Variants in DOCK8 observed in about 807,000 individuals in gnomAD.
DOCK8 encodes the protein dedicator of cytokinesis 8.
DOCK8 carries 141 observed loss-of-function variants against 245.6 expected under a neutral mutation model. That is an observed-to-expected ratio of 0.57 (90% CI 0.50 to 0.66). DOCK8 has a LOEUF of 0.66. Ranked by LOEUF, DOCK8 falls within the 30% of genes least tolerant of loss-of-function variation. The pLI is 0.00. For synonymous variants in DOCK8, 1,168 were observed against 970.2 expected (o/e 1.20, Z -3.79); for missense variants, 2,965 against 2,603.4 (o/e 1.14, Z -3.02).
intron 14 of DOCK8, among the ~76,000 whole-genome samples, chr9:345,680 CCTT>C (rs2051846893): frequency 6.6e-6 from 1 of 152,182 alleles, no homozygotes; most frequent in Admixed American, 6.5e-5. Flanking sequence ...CCCAGCCTCA[CCTT>C]CCTCCCACCT....
Position 398,761 on chromosome 9 carries a change from G to A in DOCK8, c.3121-385G>A, listed in dbSNP as rs1287170890. Among the ~76,000 whole-genome samples, 8 of 149,330 alleles carry A rather than the reference G, an allele frequency of 5.4e-5. 1 individual carries two copies. The Admixed American group carries it at 5.4e-4, about 10-fold the overall frequency. ...TTAAAAATTAAGAAACTGTCTCATT[G>A]AAAACAGTAAGTATTTTTCAAGTCA... On this transcript the variant is annotated intron_variant, in intron 25 of 47. Transcript: ENST00000432829.
At chr9:238,855 G>C (rs980458082) in intron 1 of DOCK8, among the ~76,000 whole-genome samples, 1 of 152,172 alleles carries the variant, frequency 6.6e-6, no homozygotes, top group Non-Finnish European at 1.5e-5. Flanking sequence ...TCCAGTTCGG[G>C]GTCGTGGATG....
chr9:400,868 A>ACCACCACC (rs1161002361), intron 26 of DOCK8, among the ~76,000 whole-genome samples: 2 of 98,362 alleles, frequency 2.0e-5, no homozygotes, highest in African/African-American at 5.2e-5. Context: ...CTCCTCCACC[A>ACCACCACC]TCACCACCAC....
At position 396,811 on chromosome 9, in the gene DOCK8, TAAC is replaced by T. The variant is rs2054480762; in HGVS notation, c.2999_3001del (p.Asn1000del). The T allele has an allele frequency of 6.2e-7, 1 of 1,614,006 alleles. No individual in the cohort carries two copies. Among genetic ancestry groups the T allele is most frequent in the Non-Finnish European group, 8.5e-7 (1 of 1,180,012 alleles). ...TGAAAAGCATGGCCCAGCACGTACA[TAAC>T]ATGGACAAACGGGACAGTTTTCGGA... On this transcript the variant is annotated inframe_deletion, in exon 25 of 48. Transcript: ENST00000432829.
chr9:395,830 T>G (rs781473042), intron 24 of DOCK8, among the ~76,000 whole-genome samples: 2 of 152,312 alleles, frequency 1.3e-5, no homozygotes, highest in South Asian at 4.2e-4. Context: ...CTAGTCATAA[T>G]GCAGACAGTC....
chr9:403,724 G>A lies in DOCK8; in HGVS notation c.3235-1194G>A, dbSNP rs114423533. The stretch of plus-strand genomic sequence containing the variant: ...ACTAAAAATACAAAAAATTAGCTGG[G>A]CATGTTGATGTGCACCTGTAATCCC... On this transcript the variant is annotated intron_variant, in intron 26 of 47. Coordinates refer to ENST00000432829, the MANE Select transcript of DOCK8 (RefSeq NM_203447.4). Among the ~76,000 whole-genome samples the A allele has an allele frequency of 5.4e-3, 819 of 151,398 alleles. 10 individuals carry two copies. Among genetic ancestry groups the A allele is most frequent in the African/African-American group, 0.019 (792 of 41,248 alleles).
intron 14 of DOCK8, among the ~76,000 whole-genome samples, chr9:341,682 C>G (rs533795837): frequency 6.6e-6 from 1 of 152,190 alleles, no homozygotes; most frequent in African/African-American, 2.4e-5. Flanking sequence ...TTAAAATGTA[C>G]GCAAATGACT....
At chr9:463,786 G>A (rs942486814) in intron 47 of DOCK8, 99 bp downstream of exon 47, 20 of 1,438,648 alleles carry the variant, frequency 1.4e-5, no homozygotes, top group Non-Finnish European at 1.6e-5. Context: ...GGGAGCTGCA[G>A]AACCTCGAAA....
chr9:376,224 G>C lies in DOCK8; in HGVS notation c.2124G>C (p.Gln708His). The C allele has an allele frequency of 6.2e-7, 1 of 1,610,634 alleles. No individual in the cohort carries two copies. The highest frequency in any genetic ancestry group is 8.5e-7 in the Non-Finnish European group (1 of 1,177,152). The change falls in exon 19 of 48, where the codon CAG becomes CAC. Residue 708 changes from glutamine (Q) to histidine (H), a missense_variant. Gln to His is a conservative substitution (Grantham distance 24, BLOSUM62 0). This residue lies in a region of DOCK8 where 2,825 missense variants were observed against 2,453.5 expected (regional missense o/e 1.15). Coordinates refer to ENST00000432829, the MANE Select transcript of DOCK8 (RefSeq NM_203447.4). Reference sequence around the variant, plus strand: ...CTTTAACACAGAAAGTCCCATTACAGAATCCTCCCATTAAGTGGGCTGAAG... The same window carrying C: ...CTTTAACACAGAAAGTCCCATTACACAATCCTCCCATTAAGTGGGCTGAAG... The part of the protein sequence containing the change: ...SMHSAEKVPL[Q>H]NPPIKWAEGH...
At chr9:446,317 A>G (rs1185887071) in intron 43 of DOCK8, 53 bp from the exon 44 acceptor site, 5 of 1,476,938 alleles carry the variant, frequency 3.4e-6, no homozygotes, top group Non-Finnish European at 4.7e-6. Context: ...TGCGTCAGGG[A>G]TGGCCGTTTG....
chr9:349,518 C>A (rs7855377), intron 14 of DOCK8, among the ~76,000 whole-genome samples: 48,871 of 152,076 alleles, frequency 0.32, 9,643 homozygotes, highest in African/African-American at 0.55. Flanking sequence ...TAGCAATAAG[C>A]AAATCTCAAA....
rs188321616 is a variant in DOCK8, at chr9:297,623, G to A, written c.405-6958G>A. ...AAGCTGGGACTCTCTTGTAGCCAGCGGCAGTGAGCCAGCAGTCTCACTGCC... is the reference window on the plus strand; with the variant it reads ...AAGCTGGGACTCTCTTGTAGCCAGCAGCAGTGAGCCAGCAGTCTCACTGCC... On this transcript the variant is annotated intron_variant, in intron 4 of 47. Coordinates refer to ENST00000432829, the MANE Select transcript of DOCK8 (RefSeq NM_203447.4). Among the ~76,000 whole-genome samples the A allele has an allele frequency of 2.0e-4, 30 of 152,166 alleles. 1 individual carries two copies. Among genetic ancestry groups the A allele is most frequent in the Middle Eastern group, 3.4e-3 (1 of 294 alleles).
At chr9:403,937 T>TACATATAC (rs2055268583) in intron 26 of DOCK8, among the ~76,000 whole-genome samples, 3 of 85,330 alleles carry the variant, frequency 3.5e-5, no homozygotes, top group African/African-American at 2.3e-4. Flanking sequence ...TATGTGTATA[T>TACATATAC]ATATATGTGT....
chr9:414,203 A>G (rs932983175), intron 28 of DOCK8, among the ~76,000 whole-genome samples: 3 of 152,240 alleles, frequency 2.0e-5, no homozygotes, highest in Admixed American at 1.3e-4. Context: ...TGTACCCAAG[A>G]AAAGTAAAAC....
At chr9:285,155 C>T (rs569973754) in intron 2 of DOCK8, among the ~76,000 whole-genome samples, 57 of 152,246 alleles carry the variant, frequency 3.7e-4, no homozygotes, top group African/African-American at 1.1e-3. Flanking sequence ...GCTTCATCCT[C>T]ACTCCCTAAC....
intron 1 of DOCK8, among the ~76,000 whole-genome samples, chr9:216,599 A>AT (rs2046760613): frequency 6.6e-6 from 1 of 150,744 alleles, no homozygotes; most frequent in South Asian, 2.1e-4. Flanking sequence ...CCCTATGGGA[A>AT]TTTTTTTCTA....
rs556218865 is a variant in DOCK8, at chr9:292,115, A to G, written c.404+2534A>G. ...AGCCAGGCACGGTGCTCATGCCTGT[A>G]ATCCCAGCACTTTGGGAGGCCAAGA... On this transcript the variant is annotated intron_variant, in intron 4 of 47. Transcript: ENST00000432829. Among the ~76,000 whole-genome samples, 17 of 147,506 alleles carry G rather than the reference A, an allele frequency of 1.2e-4. No homozygotes were observed. In the East Asian group the frequency reaches 3.0e-3, roughly 26 times the overall value.
At position 433,823 on chromosome 9, in the gene DOCK8, T is replaced by C. The variant is rs2131745066; in HGVS notation, c.4786-52T>C. On this transcript the variant is annotated intron_variant, in intron 37 of 47. Transcript: ENST00000432829. ...TTGCATTTCAATGTAATCCTAACTCTTCACCTGGGACTACAAAGCTAAGAT... is the reference window on the plus strand; with the variant it reads ...TTGCATTTCAATGTAATCCTAACTCCTCACCTGGGACTACAAAGCTAAGAT... 3.5e-6 allele frequency: 5 copies of C among 1,449,224 alleles called. No homozygotes were observed. In the Middle Eastern group the frequency reaches 5.2e-4, roughly 151 times the overall value. 89.8% of individuals were successfully genotyped at this position (1,449,224 alleles called of 1,614,324 possible).
chr9:441,457 G>A, intron 41 of DOCK8, 40 bp downstream of exon 41: 1 of 1,613,604 alleles, frequency 6.2e-7, no homozygotes, highest in Non-Finnish European at 8.5e-7. Flanking sequence ...GTTACCTGGT[G>A]GCAGGCGACC....
Sources: allele counts gnomAD v4.1 joint callset (sites outside exome capture counted in the v4.1 genomes callset), GRCh38; gene constraint gnomAD v4.1.1; regional missense constraint gnomAD v4.1.1; transcripts MANE v1.5; gene names NCBI Gene and HGNC (gene_info 2026-07-23, HGNC 2026-07-21).